SLC39A9: variants seen among roughly 807,000 people sequenced by gnomAD.
SLC39A9 encodes zinc transporter ZIP9.
In SLC39A9, 14 loss-of-function variants were observed where a neutral mutation model predicts 28.4. The observed-to-expected ratio is 0.49, with a 90% CI of 0.33 to 0.77. SLC39A9 has a LOEUF of 0.77. Ranked by LOEUF, SLC39A9 falls within the 30% of genes least tolerant of loss-of-function variation. SLC39A9 has a pLI of 0.02. For synonymous variants in SLC39A9, 119 were observed against 149.6 expected (o/e 0.80, Z 1.49); for missense variants, 283 against 381.1 (o/e 0.74, Z 2.14).
At chr14:69,427,256 A>T (rs539396406) in intron 2 of SLC39A9, among the ~76,000 whole-genome samples, 1 of 152,068 alleles carries the variant, frequency 6.6e-6, no homozygotes, top group Admixed American at 6.6e-5. Flanking sequence ...CACCCACCTC[A>T]GCCTTCCAAA....
At position 69,461,740 on chromosome 14, in the gene SLC39A9, C is replaced by T. The variant is rs1456817682; in HGVS notation, c.*3147C>T. Reference sequence around the variant, plus strand: ...ACACCAGCATCGGAGTGTATTAAGCCCCTGAAACACATGGTAGCTAGGGAC... The same window carrying T: ...ACACCAGCATCGGAGTGTATTAAGCTCCTGAAACACATGGTAGCTAGGGAC... On this transcript the variant is annotated 3_prime_UTR_variant, in exon 7 of 7. Coordinates refer to ENST00000336643, the MANE Select transcript of SLC39A9 (RefSeq NM_018375.5). The T allele has an allele frequency of 6.5e-7, 1 of 1,535,264 alleles. No homozygotes were observed. Among genetic ancestry groups the T allele is most frequent in the Non-Finnish European group, 8.7e-7 (1 of 1,146,582 alleles).
At position 69,458,987 on chromosome 14, in the gene SLC39A9, A is replaced by G; in HGVS notation, c.*394A>G. 1.0e-6 allele frequency: 1 copy of G among 996,358 alleles called. No individual in the cohort carries two copies. Among genetic ancestry groups the G allele is most frequent in the Non-Finnish European group, 1.2e-6 (1 of 836,006 alleles). The allele number at this position is 996,358 out of a possible 1,614,324, so 61.7% of individuals were successfully genotyped here. ...AGCTATGTCTCTTTCTTCTTAGTTT[A>G]GAGGCTCTGCTACTTTATCCATTGA... On this transcript the variant is annotated 3_prime_UTR_variant, in exon 7 of 7. Coordinates refer to ENST00000336643, the MANE Select transcript of SLC39A9 (RefSeq NM_018375.5).
chr14:69,458,060 TTTAA>T, intron 6 of SLC39A9, among the ~76,000 whole-genome samples: 2 of 152,332 alleles, frequency 1.3e-5, no homozygotes, highest in South Asian at 4.1e-4. Flanking sequence ...GTTAGTTTTA[TTTAA>T]TTAGTCCACA....
At chr14:69,450,685 C>G (rs56953348) in intron 3 of SLC39A9, among the ~76,000 whole-genome samples, 68,798 of 151,942 alleles carry the variant, frequency 0.45, 15,763 homozygotes, top group Middle Eastern at 0.59. Context: ...GGCTGAGATG[C>G]GAGGGAGAAT....
intron 3 of SLC39A9, among the ~76,000 whole-genome samples, chr14:69,449,816 T>G (rs1384587411): frequency 5.9e-5 from 9 of 152,092 alleles, no homozygotes; most frequent in Non-Finnish European, 1.0e-4. Context: ...AAGGGGCAAG[T>G]GGCTCTAGTT....
intron 2 of SLC39A9, among the ~76,000 whole-genome samples, chr14:69,435,363 C>T (rs1359417648): frequency 1.3e-5 from 2 of 152,176 alleles, no homozygotes; most frequent in Non-Finnish European, 2.9e-5. Flanking sequence ...TATAACCATT[C>T]AGTTTTCTCT....
At chr14:69,431,333 T>C (rs1250489117) in intron 2 of SLC39A9, among the ~76,000 whole-genome samples, 10 of 152,254 alleles carry the variant, frequency 6.6e-5, no homozygotes, top group Non-Finnish European at 1.0e-4. Flanking sequence ...TGTAGATTCC[T>C]TGGGATTTGC....
At chr14:69,416,571 A>G (rs1305029406) in intron 1 of SLC39A9, among the ~76,000 whole-genome samples, 2 of 152,242 alleles carry the variant, frequency 1.3e-5, no homozygotes, top group Non-Finnish European at 2.9e-5. Context: ...TGGTTGAACT[A>G]GTTTACACTC....
intron 1 of SLC39A9, among the ~76,000 whole-genome samples, chr14:69,414,251 C>T (rs551406003): frequency 3.2e-4 from 48 of 152,172 alleles, no homozygotes; most frequent in African/African-American, 1.1e-3. Context: ...TTTCGCCATG[C>T]TGGCCAGGCT....
chr14:69,444,812 T>G (rs186194643), intron 3 of SLC39A9, among the ~76,000 whole-genome samples: 1 of 152,176 alleles, frequency 6.6e-6, no homozygotes, highest in Non-Finnish European at 1.5e-5. Flanking sequence ...TAGAAAAGAA[T>G]AAAGATTCAG....
chr14:69,413,941 C>G (rs1389901877), intron 1 of SLC39A9, among the ~76,000 whole-genome samples: 1 of 151,800 alleles, frequency 6.6e-6, no homozygotes, highest in East Asian at 1.9e-4. Context: ...GAATTGATAA[C>G]TTTGGTAGCT....
chr14:69,412,855 A>G (rs1192689784), intron 1 of SLC39A9, among the ~76,000 whole-genome samples: 1 of 152,234 alleles, frequency 6.6e-6, no homozygotes, highest in Non-Finnish European at 1.5e-5. Context: ...AGTGAACTGA[A>G]AACAATACAA....
intron 1 of SLC39A9, among the ~76,000 whole-genome samples, chr14:69,406,109 A>G (rs1319667182): frequency 3.9e-5 from 6 of 152,198 alleles, no homozygotes; most frequent in African/African-American, 1.4e-4. Context: ...ATCTACCTAA[A>G]TTGATGCCTT....
chr14:69,399,667 A>G (rs1439185328), intron 1 of SLC39A9, among the ~76,000 whole-genome samples: 1 of 152,240 alleles, frequency 6.6e-6, no homozygotes, highest in African/African-American at 2.4e-5. Context: ...TGGGGTGGAT[A>G]GATATTCCAC....
At chr14:69,454,969 T>A in intron 5 of SLC39A9, 72 bp downstream of exon 5, 1 of 1,151,968 alleles carries the variant, frequency 8.7e-7, no homozygotes, top group Non-Finnish European at 1.3e-6. Flanking sequence ...GTCCTTAATG[T>A]TTTTCCTGGA....
intron 3 of SLC39A9, among the ~76,000 whole-genome samples, chr14:69,451,165 C>T (rs1042506587): frequency 3.3e-5 from 5 of 152,296 alleles, no homozygotes; most frequent in Middle Eastern, 3.4e-3. Context: ...TATTTGCTGG[C>T]GCAGAGTGAT....
chr14:69,403,552 ATAG>A (rs1000385117), intron 1 of SLC39A9, among the ~76,000 whole-genome samples: 4 of 152,200 alleles, frequency 2.6e-5, no homozygotes, highest in Admixed American at 2.6e-4. Flanking sequence ...TAAAAATGAA[ATAG>A]TAGGAAAATG....
chr14:69,426,944 A>T (rs1415280150), intron 2 of SLC39A9, among the ~76,000 whole-genome samples: 1 of 152,148 alleles, frequency 6.6e-6, no homozygotes, highest in Non-Finnish European at 1.5e-5. Flanking sequence ...ACACACATAC[A>T]TAAAATAACA....
chr14:69,437,306 A>T (rs1216933049), intron 2 of SLC39A9, among the ~76,000 whole-genome samples: 4 of 152,148 alleles, frequency 2.6e-5, no homozygotes, highest in Non-Finnish European at 5.9e-5. Flanking sequence ...AAAAAAGGGG[A>T]GACTTTCCTG....
Sources: gnomAD v4.1 joint callset for allele counts (sites outside exome capture counted in the v4.1 genomes callset) on GRCh38, gnomAD v4.1.1 for gene constraint, MANE v1.5 for transcripts, NCBI Gene and HGNC (gene_info 2026-07-23, HGNC 2026-07-21) for gene names.